USH2A: variants seen among roughly 807,000 people sequenced by gnomAD.
The protein encoded by USH2A is usherin, also known as Usher syndrome 2A (autosomal recessive, mild).
In USH2A, 443 loss-of-function variants were observed where a neutral mutation model predicts 538.9. The observed-to-expected ratio is 0.82, with a 90% CI of 0.76 to 0.89. The LOEUF is 0.89. Ranked by LOEUF, USH2A falls within the 40% of genes least tolerant of loss-of-function variation. The pLI, the probability that USH2A is intolerant of heterozygous loss-of-function variation, is 0.00. For synonymous variants in USH2A, 2,413 were observed against 2,273.5 expected, an observed-to-expected ratio of 1.06 and a Z score of -1.75; for missense variants, 6,633 against 6,324.8, an observed-to-expected ratio of 1.05 and a Z score of -1.65.
At position 215,623,360 on chromosome 1, in the gene USH2A, T is replaced by G. The variant is rs777049571; in HGVS notation, c.*2421A>C. On this transcript the variant is annotated 3_prime_UTR_variant, in exon 72 of 72. Transcript: ENST00000307340. Reference sequence around the variant, plus strand: ...GTCCCTGTGCATAGCATATTATTCCTGTACATGATTTCTTCCAGATTGTGG... The same window carrying G: ...GTCCCTGTGCATAGCATATTATTCCGGTACATGATTTCTTCCAGATTGTGG... The G allele has an allele frequency of 3.9e-5, 6 of 152,120 alleles. No individual in the cohort carries two copies. Among genetic ancestry groups the G allele is most frequent in the Non-Finnish European group, 7.4e-5 (5 of 68,008 alleles). The allele number at this position is 152,120 out of a possible 1,614,324, so 9.4% of individuals were successfully genotyped here.
At position 216,365,114 on chromosome 1, in the gene USH2A, T is replaced by C. The variant is rs111630815; in HGVS notation, c.652-29A>G. 103 of 1,599,390 alleles carry C rather than the reference T, an allele frequency of 6.4e-5. No individual in the cohort carries two copies. In the African/African-American group the frequency reaches 1.2e-3, roughly 19 times the overall value. On this transcript the variant is annotated intron_variant, in intron 3 of 71. Transcript: ENST00000307340. ...TAAGAAATTACCACCATTATTAGTT[T>C]AAGTGCATAAACTTTTATTTTATAT...
At chr1:216,423,035 T>C (rs975203550) in intron 1 of USH2A, among the ~76,000 whole-genome samples, 179 bp downstream of exon 1, 1 of 152,102 alleles carries the variant, frequency 6.6e-6, no homozygotes, top group Admixed American at 6.6e-5. Context: ...TATCCCAGCA[T>C]GTGCAGCAAC....
At chr1:216,366,640 A>T (rs1297704091) in intron 3 of USH2A, among the ~76,000 whole-genome samples, 7 of 152,164 alleles carry the variant, frequency 4.6e-5, no homozygotes, top group Admixed American at 1.3e-4. Flanking sequence ...AAGTTACTAC[A>T]ATAATTACTT....
At chr1:215,966,000 C>T (rs1477921666) in intron 36 of USH2A, among the ~76,000 whole-genome samples, 2 of 151,874 alleles carry the variant, frequency 1.3e-5, no homozygotes, top group Non-Finnish European at 2.9e-5. Context: ...CACGCACACA[C>T]ACGCAAAATT....
At chr1:215,920,263 C>T (rs1666063801) in intron 38 of USH2A, among the ~76,000 whole-genome samples, 1 of 151,950 alleles carries the variant, frequency 6.6e-6, no homozygotes, top group East Asian at 1.9e-4. Context: ...TAATGCTTTT[C>T]CTACTAGTCA....
chr1:216,325,281 G>A, intron 6 of USH2A, 24 bp downstream of exon 6: 1 of 1,612,128 alleles, frequency 6.2e-7, no homozygotes, highest in South Asian at 1.1e-5. Flanking sequence ...GGAAATTAAT[G>A]TACACCTTAT....
At chr1:216,266,707 C>A (rs539807006) in intron 11 of USH2A, among the ~76,000 whole-genome samples, 1 of 151,948 alleles carries the variant, frequency 6.6e-6, no homozygotes, top group African/African-American at 2.4e-5. Context: ...TGTGTGTGTG[C>A]ATAAAATATA....
intron 21 of USH2A, among the ~76,000 whole-genome samples, chr1:216,135,963 T>C (rs2033479004): frequency 6.6e-6 from 1 of 151,958 alleles, no homozygotes; most frequent in Non-Finnish European, 1.5e-5. Context: ...TATATATGTA[T>C]GAAGTCTACC....
intron 64 of USH2A, among the ~76,000 whole-genome samples, chr1:215,663,702 C>T (rs1657515145): frequency 6.6e-6 from 1 of 152,090 alleles, no homozygotes; most frequent in Non-Finnish European, 1.5e-5. Flanking sequence ...TATTGGTTGA[C>T]TTATAGTCCT....
At chr1:216,355,880 T>C (rs2038385035) in intron 4 of USH2A, among the ~76,000 whole-genome samples, 1 of 152,106 alleles carries the variant, frequency 6.6e-6, no homozygotes. Flanking sequence ...AGTATCACAG[T>C]CAATAAACTT....
At chr1:215,811,868 T>C (rs11120642) in intron 49 of USH2A, among the ~76,000 whole-genome samples, 58,992 of 150,294 alleles carry the variant, frequency 0.39, 11,925 homozygotes, top group Admixed American at 0.52. Flanking sequence ...GATCACGCCA[T>C]TGCACTCCAG....
chr1:215,813,797 T>A lies in USH2A; in HGVS notation c.9678A>T (p.Arg3226=), dbSNP rs1312271193. Residue 3226 remains arginine, a synonymous_variant, in exon 49 of 72, where the codon CGA becomes CGT. Coordinates refer to ENST00000307340, the MANE Select transcript of USH2A (RefSeq NM_206933.4). ...LNSTGVCCGG[R]IQEAQPNHQC... Reference sequence around the variant, plus strand: ...GATGATTTGGTTGTGCCTCCTGTATTCGGCCACCACAACAAACTCCAGTAG... The same window carrying A: ...GATGATTTGGTTGTGCCTCCTGTATACGGCCACCACAACAAACTCCAGTAG... The A allele has an allele frequency of 1.9e-6, 3 of 1,613,918 alleles. No individual in the cohort carries two copies. The highest frequency in any genetic ancestry group is 2.5e-6 in the Non-Finnish European group (3 of 1,179,890).
At chr1:215,970,561 T>G in intron 36 of USH2A, 64 bp downstream of exon 36, 1 of 1,607,596 alleles carries the variant, frequency 6.2e-7, no homozygotes, top group Non-Finnish European at 8.5e-7. Context: ...CACTTACTTC[T>G]TCCTTAATAT....
intron 12 of USH2A, among the ~76,000 whole-genome samples, chr1:216,249,075 T>G (rs1281328500): frequency 6.6e-6 from 1 of 151,448 alleles, no homozygotes; most frequent in East Asian, 1.9e-4. Context: ...CTGGGCTTCT[T>G]TTTTTTTCAT....
intron 49 of USH2A, among the ~76,000 whole-genome samples, chr1:215,808,417 A>G (rs1662563810): frequency 6.6e-6 from 1 of 152,258 alleles, no homozygotes; most frequent in Non-Finnish European, 1.5e-5. Context: ...TCCTATGTGT[A>G]AAATGGAAAT....
At chr1:216,007,259 C>T (rs991413430) in intron 32 of USH2A, among the ~76,000 whole-genome samples, 10 of 151,966 alleles carry the variant, frequency 6.6e-5, no homozygotes, top group Admixed American at 2.0e-4. Context: ...AGCATGAAAA[C>T]GAACTAGTAC....
intron 43 of USH2A, among the ~76,000 whole-genome samples, chr1:215,875,287 CTT>C (rs141946821): frequency 1.4e-5 from 2 of 146,506 alleles, no homozygotes; most frequent in African/African-American, 5.0e-5. Context: ...AGAAGAAATG[CTT>C]TTTTTTTTTC....
At chr1:215,668,974 G>A (rs552019436) in intron 64 of USH2A, among the ~76,000 whole-genome samples, 27 of 152,276 alleles carry the variant, frequency 1.8e-4, no homozygotes, top group South Asian at 1.2e-3. Context: ...GACAGAGGTT[G>A]CAGTGAGTTG....
Position 215,680,141 on chromosome 1 carries a change from G to C in USH2A, c.12294+8C>G. ...CAAACATAATTTCTTATGCAGGGTA[G>C]ACATTACCTTAATCACACCATTGGT... On this transcript the variant is annotated splice_region_variant and intron_variant, in intron 62 of 71. Coordinates refer to ENST00000307340, the MANE Select transcript of USH2A (RefSeq NM_206933.4). 1 of 1,612,198 alleles carries C rather than the reference G, an allele frequency of 6.2e-7. No homozygotes were observed. Among genetic ancestry groups the C allele is most frequent in the South Asian group, 1.1e-5 (1 of 91,034 alleles).
Sources: gnomAD v4.1 joint callset for allele counts (sites outside exome capture counted in the v4.1 genomes callset) on GRCh38, gnomAD v4.1.1 for gene constraint, MANE v1.5 for transcripts, NCBI Gene and HGNC (gene_info 2026-07-23, HGNC 2026-07-21) for gene names.